The following TBC1D1 variants were observed in gnomAD, a reference collection of about 807,000 sequenced individuals.
TBC1D1 encodes TBC1 (tre-2/USP6, BUB2, cdc16) domain family, member 1.
In TBC1D1, 89 loss-of-function variants were observed where a neutral mutation model predicts 125.6. The ratio of observed to expected loss-of-function variants is 0.71; its 90% CI spans 0.60 to 0.85. The LOEUF (loss-of-function observed/expected upper bound fraction) is 0.85, where lower values mean the gene tolerates loss of function less well. TBC1D1 is among the 40% of genes least tolerant of loss of function. The probability of loss-of-function intolerance (pLI) is 0.00; values close to 1 mark genes in which losing one functional copy is unlikely to be tolerated. For missense variants in TBC1D1, 1,377 were observed against 1,469.2 expected, an observed-to-expected ratio of 0.94 and a Z score of 1.03; for synonymous variants, 565 against 564.1, an observed-to-expected ratio of 1.00 and a Z score of -0.02.
Position 38,137,412 on chromosome 4 carries a change from G to A in TBC1D1, c.*77G>A. 7.4e-7 allele frequency: 1 copy of A among 1,351,776 alleles called. No individual in the cohort carries two copies. The highest frequency in any genetic ancestry group is 9.6e-7 in the Non-Finnish European group (1 of 1,046,610). 83.7% of individuals were successfully genotyped at this position (1,351,776 alleles called of 1,614,324 possible). On this transcript the variant is annotated 3_prime_UTR_variant, in exon 20 of 20. Coordinates refer to ENST00000261439, the MANE Select transcript of TBC1D1 (RefSeq NM_015173.4). ...TGAGAGGGACAGAAGACGCTGGAAG[G>A]AGAGAAGGAAGCGGGAAGTGTGCTT... is the stretch of plus-strand genomic sequence containing the variant.
intron 2 of TBC1D1, among the ~76,000 whole-genome samples, chr4:37,916,999 G>T (rs1204663035): frequency 1.3e-5 from 2 of 151,284 alleles, no homozygotes; most frequent in Non-Finnish European, 1.5e-5. Flanking sequence ...TTGAACTTCT[G>T]ACCTCAAGTG....
Position 38,049,795 on chromosome 4 carries a change from G to A in TBC1D1, c.1807G>A (p.Glu603Lys), listed in dbSNP as rs545868613. ...AAACACCCTGAGTCACTTCCCCATC[G>A]AATGCCAGGAACCTCCACAACCTGC... The change falls in exon 11 of 20, where the codon GAA becomes AAA. Residue 603 changes from glutamate to lysine, a missense_variant. By Grantham distance (56) the Glu-to-Lys change is moderately conservative. Transcript: ENST00000261439. 9.9e-6 allele frequency: 16 copies of A among 1,614,132 alleles called. No individual in the cohort carries two copies. The highest frequency in any genetic ancestry group is 8.0e-5 in the African/African-American group (6 of 75,050).
At chr4:38,037,805 T>G (rs1256706561) in intron 8 of TBC1D1, among the ~76,000 whole-genome samples, 1 of 152,152 alleles carries the variant, frequency 6.6e-6, no homozygotes, top group East Asian at 1.9e-4. Flanking sequence ...AAAAGAATAG[T>G]GCTGGAGAAC....
chr4:37,937,701 A>G (rs1724682616), intron 2 of TBC1D1, among the ~76,000 whole-genome samples: 1 of 152,156 alleles, frequency 6.6e-6, no homozygotes, highest in Admixed American at 6.5e-5. Flanking sequence ...CCTAGCCACT[A>G]TAGGGTATTT....
At chr4:38,085,353 TAGG>T (rs1226207147) in intron 12 of TBC1D1, among the ~76,000 whole-genome samples, 2 of 152,110 alleles carry the variant, frequency 1.3e-5, no homozygotes, top group African/African-American at 4.8e-5. Context: ...TCCGTCATTA[TAGG>T]AGATGTCAGA....
intron 7 of TBC1D1, chr4:38,030,279 A>G (rs773063086): frequency 3.3e-5 from 5 of 152,260 alleles, no homozygotes; most frequent in Non-Finnish European, 7.3e-5. Context: ...ACATCATGGT[A>G]AAGACACTTT....
intron 7 of TBC1D1, among the ~76,000 whole-genome samples, chr4:38,029,035 G>A (rs907545668): frequency 5.9e-5 from 9 of 152,054 alleles, no homozygotes; most frequent in Admixed American, 3.3e-4. Context: ...AGTGTATCTC[G>A]GGGAGACCAT....
At chr4:38,038,685 C>A (rs931271312) in intron 8 of TBC1D1, among the ~76,000 whole-genome samples, 1 of 152,150 alleles carries the variant, frequency 6.6e-6, no homozygotes, top group Non-Finnish European at 1.5e-5. Flanking sequence ...CAGTGGCTCA[C>A]GCCTGTAATC....
chr4:37,959,159 T>C (rs1282020063), intron 2 of TBC1D1, among the ~76,000 whole-genome samples: 1 of 152,172 alleles, frequency 6.6e-6, no homozygotes, highest in African/African-American at 2.4e-5. Context: ...CCTTGAACAA[T>C]GTGAGGGTTA....
At chr4:38,025,770 G>A (rs972956096) in intron 6 of TBC1D1, among the ~76,000 whole-genome samples, 5 of 152,104 alleles carry the variant, frequency 3.3e-5, no homozygotes, top group Admixed American at 2.0e-4. Context: ...ACTCTGTTTC[G>A]CTTCGGCATT....
At chr4:38,121,676 C>T (rs1476555777) in intron 17 of TBC1D1, among the ~76,000 whole-genome samples, 2 of 152,060 alleles carry the variant, frequency 1.3e-5, no homozygotes, top group African/African-American at 2.4e-5. Context: ...GCTCACTTTT[C>T]CAAGGAGAGT....
intron 2 of TBC1D1, among the ~76,000 whole-genome samples, chr4:37,951,160 A>T (rs184538890): frequency 1.3e-5 from 2 of 152,162 alleles, no homozygotes; most frequent in African/African-American, 4.8e-5. Context: ...TTGAAAATAT[A>T]TTGTCCTTTG....
chr4:38,114,565 T>C (rs1005212669), intron 15 of TBC1D1, among the ~76,000 whole-genome samples: 5 of 152,218 alleles, frequency 3.3e-5, no homozygotes, highest in African/African-American at 1.2e-4. Context: ...AGCTTGGCCC[T>C]GGCTGCCAGC....
At chr4:37,960,438 G>A (rs2152331010) in intron 2 of TBC1D1, 2 of 1,611,254 alleles carry the variant, frequency 1.2e-6, no homozygotes, top group Non-Finnish European at 8.5e-7. Flanking sequence ...ATCCAGAATG[G>A]CTACTCTGAT....
chr4:38,120,085 A>G (rs2152590620), intron 17 of TBC1D1: 1 of 985,472 alleles, frequency 1.0e-6, no homozygotes, highest in Non-Finnish European at 1.2e-6. Flanking sequence ...ATGACTTCAT[A>G]AATCAAAGCT....
At chr4:38,079,828 ATG>A (rs1756248752) in intron 12 of TBC1D1, among the ~76,000 whole-genome samples, 1 of 152,244 alleles carries the variant, frequency 6.6e-6, no homozygotes, top group Non-Finnish European at 1.5e-5. Flanking sequence ...ATTTAAAACA[ATG>A]TATTTAAAAG....
At chr4:38,027,533 G>T (rs1296898459) in intron 6 of TBC1D1, among the ~76,000 whole-genome samples, 3 of 152,164 alleles carry the variant, frequency 2.0e-5, no homozygotes, top group African/African-American at 2.4e-5. Context: ...GGAGGCTGAA[G>T]TGGGAGGATT....
chr4:38,110,088 C>T (rs996112591), intron 15 of TBC1D1: 1 of 383,732 alleles, frequency 2.6e-6, no homozygotes, highest in Non-Finnish European at 3.6e-6. Flanking sequence ...GTGGGTGGCC[C>T]CGTGTTTGCT....
intron 2 of TBC1D1, among the ~76,000 whole-genome samples, chr4:37,909,095 C>A (rs944323140): frequency 6.6e-6 from 1 of 152,160 alleles, no homozygotes; most frequent in Non-Finnish European, 1.5e-5. Context: ...ATAAATGTTT[C>A]CTTTTGAAAT....
Sources: allele counts gnomAD v4.1 joint callset (sites outside exome capture counted in the v4.1 genomes callset), GRCh38; gene constraint gnomAD v4.1.1; transcripts MANE v1.5; gene names NCBI Gene and HGNC (gene_info 2026-07-23, HGNC 2026-07-21).